The following RBL1 variants were observed in gnomAD, a reference collection of about 807,000 sequenced individuals.
RBL1 encodes the protein RB transcriptional corepressor like 1.
A neutral mutation model predicts 123.0 loss-of-function variants in RBL1; 82 were observed. The observed-to-expected ratio is 0.67, with a 90% confidence interval of 0.56 to 0.80. RBL1 has a LOEUF of 0.80. RBL1 is among the 30% of genes least tolerant of loss of function. The probability of loss-of-function intolerance (pLI) is 0.00; values close to 1 mark genes in which losing one functional copy is unlikely to be tolerated. For synonymous variants in RBL1, 405 were observed against 441.3 expected (o/e 0.92, Z 1.03); for missense variants, 1,171 against 1,299.6 (o/e 0.90, Z 1.52).
intron 21 of RBL1, among the ~76,000 whole-genome samples, chr20:36,999,519 C>T (rs2063930971): frequency 6.7e-6 from 1 of 149,164 alleles, no homozygotes; most frequent in Non-Finnish European, 1.5e-5. Context: ...CCCTCTCTTT[C>T]CACGGTCTCC....
At chr20:37,022,863 A>T (rs1395713369) in intron 16 of RBL1, 37 bp from the exon 17 acceptor site, 5 of 1,494,082 alleles carry the variant, frequency 3.3e-6, no homozygotes, top group Non-Finnish European at 4.6e-6. Flanking sequence ...CAAAACACCA[A>T]GTAAATCATT....
chr20:37,006,534 T>C (rs2146202986), intron 20 of RBL1, among the ~76,000 whole-genome samples: 1 of 150,684 alleles, frequency 6.6e-6, no homozygotes, highest in African/African-American at 2.4e-5. Flanking sequence ...TCTCACAATA[T>C]AACAACAGAA....
chr20:37,017,484 C>G, intron 19 of RBL1, among the ~76,000 whole-genome samples: 1 of 151,854 alleles, frequency 6.6e-6, no homozygotes. Context: ...GAATACTAAC[C>G]ATTTGATTTT....
intron 9 of RBL1, among the ~76,000 whole-genome samples, chr20:37,058,175 C>T (rs1444512999): frequency 6.7e-6 from 1 of 148,720 alleles, no homozygotes; most frequent in Non-Finnish European, 1.5e-5. Context: ...GTTCACTATT[C>T]CTAGTCAGGG....
chr20:37,095,507 C>T (rs747104811), intron 1 of RBL1, among the ~76,000 whole-genome samples: 1 of 152,156 alleles, frequency 6.6e-6, no homozygotes, highest in Admixed American at 6.5e-5. Flanking sequence ...TGGCGCTTGG[C>T]GGGGTAGAGG....
intron 20 of RBL1, among the ~76,000 whole-genome samples, chr20:37,006,321 C>T (rs1371397147): frequency 1.3e-5 from 2 of 151,376 alleles, no homozygotes; most frequent in Admixed American, 6.6e-5. Context: ...CTGCCTCAGC[C>T]TCCCGAGTAG....
chr20:37,008,531 CCTA>C (rs1354878722), intron 19 of RBL1, among the ~76,000 whole-genome samples: 12 of 152,228 alleles, frequency 7.9e-5, no homozygotes, highest in African/African-American at 2.9e-4. Context: ...AGAACTTTGT[CCTA>C]CTATTTTTTG....
intron 16 of RBL1, among the ~76,000 whole-genome samples, chr20:37,025,347 C>G (rs1223263687): frequency 6.6e-6 from 1 of 152,020 alleles, no homozygotes; most frequent in East Asian, 1.9e-4. Flanking sequence ...TAGCGAAACC[C>G]CTTCTCTACA....
intron 13 of RBL1, among the ~76,000 whole-genome samples, chr20:37,042,620 G>A (rs913032657): frequency 6.6e-6 from 1 of 151,858 alleles, no homozygotes; most frequent in African/African-American, 2.4e-5. Flanking sequence ...TAGCCAAAAG[G>A]GGTTAGTTGT....
chr20:37,057,951 C>T (rs2065034461), intron 9 of RBL1, among the ~76,000 whole-genome samples: 1 of 151,884 alleles, frequency 6.6e-6, no homozygotes, highest in Non-Finnish European at 1.5e-5. Context: ...TATGGTAAAA[C>T]CCCGTCTCTA....
At chr20:37,054,000 G>GAA (rs1568861461) in intron 11 of RBL1, among the ~76,000 whole-genome samples, 2 of 149,350 alleles carry the variant, frequency 1.3e-5, no homozygotes, top group African/African-American at 4.9e-5. Flanking sequence ...TTTGGTTATG[G>GAA]TTAATCTATG....
chr20:37,000,484 G>A (rs1278910417), intron 21 of RBL1, among the ~76,000 whole-genome samples: 27 of 129,166 alleles, frequency 2.1e-4, no homozygotes, highest in African/African-American at 6.2e-4. Flanking sequence ...CAGCCCCCCC[G>A]CCCGGCCAGC....
intron 15 of RBL1, among the ~76,000 whole-genome samples, chr20:37,033,315 G>A (rs2064545497): frequency 6.6e-6 from 1 of 151,398 alleles, no homozygotes; most frequent in Non-Finnish European, 1.5e-5. Flanking sequence ...CTGAGTAGCT[G>A]GAACTACAGG....
chr20:37,007,678 G>T, intron 19 of RBL1, 119 bp from the exon 20 acceptor site: 1 of 943,810 alleles, frequency 1.1e-6, no homozygotes, highest in South Asian at 1.8e-5. Context: ...CTGCAGCCCT[G>T]ACCTCCTGGA....
chr20:37,027,352 A>T (rs1261980239), intron 16 of RBL1, among the ~76,000 whole-genome samples: 1 of 152,162 alleles, frequency 6.6e-6, no homozygotes, highest in Non-Finnish European at 1.5e-5. Flanking sequence ...ATAATAATAA[A>T]AAAAGAATGA....
chr20:37,024,915 C>T (rs953963621), intron 16 of RBL1, among the ~76,000 whole-genome samples: 2 of 152,146 alleles, frequency 1.3e-5, no homozygotes, highest in African/African-American at 4.8e-5. Context: ...GTGAAAAGAG[C>T]AAGACTCTCC....
At chr20:37,033,103 G>A (rs763347054) in intron 15 of RBL1, among the ~76,000 whole-genome samples, 2 of 142,324 alleles carry the variant, frequency 1.4e-5, no homozygotes, top group South Asian at 2.2e-4. Context: ...CTGTGGCCTC[G>A]ACCTCCTGGG....
chr20:37,043,943 G>A (rs2064773520), intron 13 of RBL1, 143 bp downstream of exon 13: 1 of 555,404 alleles, frequency 1.8e-6, no homozygotes, highest in Non-Finnish European at 2.9e-6. Flanking sequence ...GGTTATGGCT[G>A]CACATATCTA....
intron 21 of RBL1, among the ~76,000 whole-genome samples, chr20:37,001,769 T>TGGAAAAAAAAAAAAAAAGAAAAAAAAG (rs2063984619): frequency 9.1e-6 from 1 of 109,330 alleles, no homozygotes; most frequent in Non-Finnish European, 1.9e-5. Flanking sequence ...AGAAAAAAAA[T>TGGAAAAAAAAAAAAAAAGAAAAAAAAG]GGAAAAAAAA....
Sources: allele counts gnomAD v4.1 joint callset (sites outside exome capture counted in the v4.1 genomes callset), GRCh38; gene constraint gnomAD v4.1.1; transcripts MANE v1.5; gene names NCBI Gene and HGNC (gene_info 2026-07-23, HGNC 2026-07-21).